Variants in ARHGEF9 observed in about 807,000 individuals in gnomAD.
ARHGEF9 encodes the protein rho guanine nucleotide exchange factor 9.
Under a neutral mutation model 41.3 loss-of-function variants are expected in ARHGEF9, and 2 were observed. The observed-to-expected ratio is 0.05, with a 90% confidence interval of 0.02 to 0.15. ARHGEF9 has a LOEUF of 0.15. ARHGEF9 is among the 10% of genes least tolerant of loss of function. ARHGEF9 has a pLI of 1.00. For missense variants in ARHGEF9, 225 were observed against 424.7 expected (o/e 0.53, Z 4.13); for synonymous variants, 160 against 154.4 (o/e 1.04, Z -0.27).
chrX:63,646,191 C>A (rs1451917965), intron 8 of ARHGEF9, among the ~76,000 whole-genome samples: 5 of 111,763 alleles, frequency 4.5e-5, no homozygotes, highest in Non-Finnish European at 9.4e-5. Context: ...CCTGTTCACT[C>A]TGATGGTAGT....
At chrX:63,705,231 T>C (rs2052451225) in intron 3 of ARHGEF9, among the ~76,000 whole-genome samples, 1 of 111,054 alleles carries the variant, frequency 9.0e-6, no homozygotes, top group African/African-American at 3.3e-5. Flanking sequence ...GGAGCTGTAC[T>C]ACTGACTCCA....
At chrX:63,761,688 T>G (rs782428793) in intron 1 of ARHGEF9, among the ~76,000 whole-genome samples, 1 of 111,609 alleles carries the variant, frequency 9.0e-6, no homozygotes, top group Admixed American at 9.5e-5. Flanking sequence ...GATGACATAG[T>G]TGCCACCCTA....
intron 3 of ARHGEF9, 102 bp from the exon 4 acceptor site, chrX:63,697,406 G>A: frequency 1.4e-6 from 1 of 724,846 alleles, no homozygotes; most frequent in Non-Finnish European, 2.1e-6. Context: ...CAAGAAGTAG[G>A]CATGGAATAA....
chrX:63,685,942 T>A (rs2050956473), intron 4 of ARHGEF9, among the ~76,000 whole-genome samples: 1 of 111,804 alleles, frequency 8.9e-6, no homozygotes, highest in African/African-American at 3.2e-5. Context: ...AGCGATAAAC[T>A]GGATTTCAAT....
rs564597852 is a variant in ARHGEF9 at position 63,668,943 on chromosome X, C to T, written c.946-2926G>A. Among the ~76,000 whole-genome samples, 9 of 112,210 alleles carry T rather than the reference C, an allele frequency of 8.0e-5. No individual in the cohort carries two copies. The East Asian group carries it at 2.0e-3, about 25-fold the overall frequency. ...TACTGTCACCAACCCAGGGGAACAA[C>T]CAGATGCCATGGAAGATTTCTAAGG... On this transcript the variant is annotated intron_variant, in intron 6 of 9. Coordinates refer to ENST00000671741, the MANE Select transcript of ARHGEF9 (RefSeq NM_001353921.2).
chrX:63,674,527 G>C (rs1441596140), intron 5 of ARHGEF9, among the ~76,000 whole-genome samples: 1 of 111,893 alleles, frequency 8.9e-6, no homozygotes, highest in African/African-American at 3.3e-5. Context: ...TACAGACTAA[G>C]AGTTTTTAAG....
chrX:63,646,945 C>A (rs1387024568), intron 8 of ARHGEF9, among the ~76,000 whole-genome samples: 2 of 111,261 alleles, frequency 1.8e-5, no homozygotes, highest in African/African-American at 6.5e-5. Context: ...AGTTCCTTCA[C>A]GTCCCTTGTA....
rs782389279 is a variant in ARHGEF9 at position 63,758,913 on chromosome X, G to A, written c.30+26203C>T. ...ACTGCTTTCTCCCTTTGTGCCCAGC[G>A]CAGTGTCTGACACTTAGCAGGTGCT... is the stretch of plus-strand genomic sequence containing the variant. On this transcript the variant is annotated intron_variant, in intron 1 of 9. Transcript: ENST00000671741. 1.1e-3 allele frequency among the ~76,000 whole-genome samples: 125 copies of A among 111,747 alleles called. 1 individual carries two copies. The highest frequency in any genetic ancestry group is 3.9e-3 in the African/African-American group (119 of 30,717).
chrX:63,644,115 T>A, intron 8 of ARHGEF9, 67 bp from the exon 9 acceptor site: 1 of 755,671 alleles, frequency 1.3e-6, no homozygotes, highest in Non-Finnish European at 1.9e-6. Context: ...TATAAATGAG[T>A]AAACTTTTCT....
intron 9 of ARHGEF9, chrX:63,642,911 C>T (rs1268320130): frequency 8.9e-6 from 1 of 111,900 alleles, no homozygotes; most frequent in Non-Finnish European, 1.9e-5. Flanking sequence ...CATCAGGACC[C>T]TGAGATGGAG....
intron 6 of ARHGEF9, 139 bp downstream of exon 6, chrX:63,673,899 G>A: frequency 1.2e-6 from 1 of 835,499 alleles, no homozygotes; most frequent in South Asian, 2.5e-5. Context: ...TCATTAGCAA[G>A]AAATTTTACC....
chrX:63,694,183 C>CAA (rs782168332), intron 4 of ARHGEF9, among the ~76,000 whole-genome samples: 1 of 73,805 alleles, frequency 1.4e-5, no homozygotes, highest in African/African-American at 5.0e-5. Flanking sequence ...ACTCTGTCTC[C>CAA]AAAAAAAAAA....
At chrX:63,755,146 C>G (rs1402792326) in intron 1 of ARHGEF9, 158 of 937,649 alleles carry the variant, frequency 1.7e-4, no homozygotes, top group Non-Finnish European at 2.0e-4. Flanking sequence ...CATAGGCTGC[C>G]TTTTTATTCA....
At chrX:63,663,231 G>C (rs1229463193) in intron 7 of ARHGEF9, among the ~76,000 whole-genome samples, 2 of 111,338 alleles carry the variant, frequency 1.8e-5, no homozygotes, top group Admixed American at 1.9e-4. Context: ...TCAAACAGGG[G>C]GTTGTCAGAC....
chrX:63,706,105 T>TACCTCACTGACCCTAAGGAAGCAGTTTC (rs2052528866), intron 3 of ARHGEF9, among the ~76,000 whole-genome samples, 153 bp downstream of exon 3: 2 of 111,598 alleles, frequency 1.8e-5, no homozygotes, highest in African/African-American at 6.5e-5. Flanking sequence ...GAAGCAGTTT[T>TACCTCACTGACCCTAAGGAAGCAGTTTC]ACCTCACTGA....
intron 1 of ARHGEF9, among the ~76,000 whole-genome samples, chrX:63,731,144 C>T (rs1349169208): frequency 1.8e-5 from 2 of 111,870 alleles, no homozygotes; most frequent in Non-Finnish European, 3.8e-5. Context: ...CAAGAAGCTC[C>T]GTAGGAGGAA....
chrX:63,685,413 C>A (rs1297359288), intron 4 of ARHGEF9, among the ~76,000 whole-genome samples: 1 of 111,540 alleles, frequency 9.0e-6, no homozygotes, highest in African/African-American at 3.2e-5. Context: ...GCAATCCCAA[C>A]CAAAACACTG....
At chrX:63,644,353 G>C (rs1465698967) in intron 8 of ARHGEF9, 4 of 156,398 alleles carry the variant, frequency 2.6e-5, no homozygotes, top group Non-Finnish European at 4.8e-5. Context: ...GCATGACATA[G>C]GGAAAAAATA....
At chrX:63,753,864 G>A (rs1214166431) in intron 1 of ARHGEF9, among the ~76,000 whole-genome samples, 1 of 111,764 alleles carries the variant, frequency 8.9e-6, no homozygotes, top group Non-Finnish European at 1.9e-5. Context: ...CCAAATTCTT[G>A]CTTCTCCTTA....
Sources: gnomAD v4.1 joint callset for allele counts (sites outside exome capture counted in the v4.1 genomes callset) on GRCh38, gnomAD v4.1.1 for gene constraint, MANE v1.5 for transcripts, NCBI Gene and HGNC (gene_info 2026-07-23, HGNC 2026-07-21) for gene names.